The following LRP1B variants were observed in gnomAD, a reference collection of about 807,000 sequenced individuals.
The protein encoded by LRP1B is LDL receptor related protein 1B, also known as low-density lipoprotein receptor-related protein 1B.
In LRP1B, 217 loss-of-function variants were observed where a neutral mutation model predicts 556.6. That is an observed-to-expected ratio of 0.39 (90% confidence interval 0.35 to 0.44). The LOEUF (loss-of-function observed/expected upper bound fraction) is 0.44. Among genes scored for constraint, LRP1B ranks in the 20% least tolerant of loss-of-function variants. LRP1B has a pLI of 1.00. For missense variants in LRP1B, 5,053 were observed against 5,620.8 expected (o/e 0.90, Z 3.23); for synonymous variants, 2,047 against 1,865.8 (o/e 1.10, Z -2.50).
At chr2:141,204,867 G>A (rs1423053294) in intron 6 of LRP1B, among the ~76,000 whole-genome samples, 3 of 152,014 alleles carry the variant, frequency 2.0e-5, no homozygotes, top group Non-Finnish European at 4.4e-5. Context: ...AACCCAAGAG[G>A]TGGGGTTTGC....
chr2:140,317,389 T>TA (rs1007081291), intron 82 of LRP1B, among the ~76,000 whole-genome samples: 1 of 151,972 alleles, frequency 6.6e-6, no homozygotes, highest in Admixed American at 6.6e-5. Context: ...CATTCAGAGG[T>TA]AAAAATCACA....
intron 21 of LRP1B, among the ~76,000 whole-genome samples, chr2:140,921,462 G>A (rs1026327088): frequency 6.6e-6 from 1 of 151,990 alleles, no homozygotes; most frequent in Non-Finnish European, 1.5e-5. Context: ...ATGTTAACTC[G>A]AGTCAAATAA....
chr2:141,163,020 C>T (rs1327841984), intron 7 of LRP1B, among the ~76,000 whole-genome samples: 1 of 152,088 alleles, frequency 6.6e-6, no homozygotes, highest in Non-Finnish European at 1.5e-5. Context: ...ATCGTCAATC[C>T]ACAGATACAT....
chr2:140,929,328 C>T (rs1463989703), intron 20 of LRP1B, among the ~76,000 whole-genome samples: 1 of 152,032 alleles, frequency 6.6e-6, no homozygotes, highest in Admixed American at 6.6e-5. Context: ...TCATACTAGG[C>T]ATTTCTATGA....
chr2:140,678,792 G>A (rs565407499), intron 41 of LRP1B, among the ~76,000 whole-genome samples: 9 of 145,598 alleles, frequency 6.2e-5, no homozygotes, highest in African/African-American at 1.0e-4. Context: ...TTTTTGGTTG[G>A]GGGGGAATGG....
chr2:141,510,901 CACACACA>C (rs1352177933), intron 2 of LRP1B, among the ~76,000 whole-genome samples: 26 of 41,146 alleles, frequency 6.3e-4, no homozygotes, highest in Admixed American at 1.6e-3. Flanking sequence ...CACACACACA[CACACACA>C]CCCCACACAA....
At chr2:141,150,866 G>GGGGTGT (rs1701903898) in intron 7 of LRP1B, among the ~76,000 whole-genome samples, 1 of 45,818 alleles carries the variant, frequency 2.2e-5, no homozygotes, top group Non-Finnish European at 7.2e-5. Flanking sequence ...TTGTCATGCT[G>GGGGTGT]GTTTGTGTGT....
At chr2:141,819,873 TTA>T (rs981473923) in intron 1 of LRP1B, among the ~76,000 whole-genome samples, 1 of 152,182 alleles carries the variant, frequency 6.6e-6, no homozygotes, top group African/African-American at 2.4e-5. Flanking sequence ...TATGCAATTA[TTA>T]TATGTCAAAA....
chr2:140,721,470 A>T (rs1687396590), intron 35 of LRP1B, among the ~76,000 whole-genome samples: 1 of 148,420 alleles, frequency 6.7e-6, no homozygotes. Context: ...CACAAATTTG[A>T]TATGTAGGTT....
intron 3 of LRP1B, among the ~76,000 whole-genome samples, chr2:141,275,574 G>C (rs952234961): frequency 1.3e-5 from 2 of 152,122 alleles, no homozygotes; most frequent in Non-Finnish European, 2.9e-5. Flanking sequence ...GCTGGGCATG[G>C]TGGTGCATGT....
chr2:141,647,131 T>C (rs975314616), intron 2 of LRP1B, among the ~76,000 whole-genome samples: 4 of 152,188 alleles, frequency 2.6e-5, no homozygotes, highest in African/African-American at 7.2e-5. Context: ...AGAAAATTAC[T>C]GATTTTGTAT....
At chr2:140,311,090 T>C (rs972980566) in intron 83 of LRP1B, among the ~76,000 whole-genome samples, 3 of 151,914 alleles carry the variant, frequency 2.0e-5, no homozygotes, top group Non-Finnish European at 4.4e-5. Flanking sequence ...TGTAAATTAG[T>C]ATAGCCTCTA....
intron 3 of LRP1B, among the ~76,000 whole-genome samples, chr2:141,406,276 C>CA (rs1690630435): frequency 6.6e-6 from 1 of 151,848 alleles, no homozygotes; most frequent in Non-Finnish European, 1.5e-5. Context: ...TGTGAATATA[C>CA]AAAAAATGAT....
chr2:140,645,519 C>T (rs1201587252), intron 41 of LRP1B, among the ~76,000 whole-genome samples: 3 of 149,602 alleles, frequency 2.0e-5, no homozygotes, highest in African/African-American at 4.9e-5. Flanking sequence ...CTATACTAAC[C>T]CTTTGCCAAT....
chr2:141,581,576 A>C (rs1170675667), intron 2 of LRP1B, among the ~76,000 whole-genome samples: 1 of 152,158 alleles, frequency 6.6e-6, no homozygotes, highest in Non-Finnish European at 1.5e-5. Flanking sequence ...TTTCCCTAAA[A>C]CATGAATATT....
rs531188066 is a variant in LRP1B at position 141,151,404 on chromosome 2, A to G, written c.1013+37017T>C. Among the ~76,000 whole-genome samples the G allele has an allele frequency of 1.2e-3, 176 of 152,300 alleles. 1 individual carries two copies. The highest frequency in any genetic ancestry group is 2.0e-3 in the Non-Finnish European group (135 of 68,024). On this transcript the variant is annotated intron_variant, in intron 7 of 90. Coordinates refer to ENST00000389484, the MANE Select transcript of LRP1B (RefSeq NM_018557.3). ...AAGAAAGCAGGACTTCCTAATGAACATAGGAATACAACATTATATTCATCA... is the reference window on the plus strand; with the variant it reads ...AAGAAAGCAGGACTTCCTAATGAACGTAGGAATACAACATTATATTCATCA...
intron 41 of LRP1B, among the ~76,000 whole-genome samples, chr2:140,693,375 T>C (rs1453382698): frequency 6.6e-6 from 1 of 152,100 alleles, no homozygotes; most frequent in Non-Finnish European, 1.5e-5. Flanking sequence ...TAGAGTGCAG[T>C]GGTGCAATCA....
chr2:140,787,665 A>G (rs1224529394), intron 32 of LRP1B, among the ~76,000 whole-genome samples: 1 of 139,442 alleles, frequency 7.2e-6, no homozygotes, highest in Non-Finnish European at 1.5e-5. Context: ...CCACCTCCTG[A>G]GATCAGGCAA....
At chr2:140,332,378 G>A (rs959436019) in intron 79 of LRP1B, among the ~76,000 whole-genome samples, 3 of 151,988 alleles carry the variant, frequency 2.0e-5, no homozygotes, top group Admixed American at 2.0e-4. Context: ...TTGCCCATAA[G>A]AGTTGTTGAG....
Sources: allele counts gnomAD v4.1 joint callset (sites outside exome capture counted in the v4.1 genomes callset), GRCh38; gene constraint gnomAD v4.1.1; transcripts MANE v1.5; gene names NCBI Gene and HGNC (gene_info 2026-07-23, HGNC 2026-07-21).